The following ZNF415 variants were observed in gnomAD, a reference collection of about 807,000 sequenced individuals.
ZNF415 encodes zinc finger protein 415.
In ZNF415, 5 loss-of-function variants were observed where a neutral mutation model predicts 7.3. The observed-to-expected ratio is 0.69, with a 90% CI of 0.36 to 1.44. The LOEUF (loss-of-function observed/expected upper bound fraction) is 1.44. Among genes scored for constraint, ZNF415 ranks in the 40% most tolerant of loss-of-function variants. The pLI, the probability that ZNF415 is intolerant of heterozygous loss-of-function variation, is 0.04. For missense variants in ZNF415, 628 were observed against 664.8 expected (o/e 0.94, Z 0.61); for synonymous variants, 207 against 226.3 (o/e 0.91, Z 0.77).
intron 3 of ZNF415, among the ~76,000 whole-genome samples, chr19:53,113,575 GA>G (rs1444141573): frequency 1.7e-4 from 25 of 145,718 alleles, no homozygotes; most frequent in South Asian, 1.1e-3. Flanking sequence ...AAGAACAAAC[GA>G]AAAAAAACCA....
At chr19:53,129,214 G>T (rs2089706922) in intron 1 of ZNF415, among the ~76,000 whole-genome samples, 1 of 152,168 alleles carries the variant, frequency 6.6e-6, no homozygotes, top group African/African-American at 2.4e-5. Context: ...TGCAGAGGGA[G>T]TCATGAGATG....
chr19:53,109,508 T>A lies in ZNF415; in HGVS notation c.537A>T (p.Gln179His). ...VNHGSSVSPPQIISSTIKTHV... is the reference protein window; with the variant it reads ...VNHGSSVSPPHIISSTIKTHV... The stretch of plus-strand genomic sequence containing the variant: ...GGGTTTTGATGGTAGAAGAAATTAT[T>A]TGGGGTGGTGAAACTGAGGAACCAT... The change falls in exon 4 of 4, where the codon CAA becomes CAT. Residue 179 changes from glutamine to histidine, a missense_variant. Coordinates refer to ENST00000243643, the MANE Select transcript of ZNF415 (RefSeq NM_018355.4). 6.2e-7 allele frequency: 1 copy of A among 1,614,030 alleles called. No homozygotes were observed. Among genetic ancestry groups the A allele is most frequent in the East Asian group, 2.2e-5 (1 of 44,878 alleles).
chr19:53,123,877 C>T (rs1488737079), intron 1 of ZNF415: 2 of 276,886 alleles, frequency 7.2e-6, no homozygotes, highest in Non-Finnish European at 1.3e-5. Flanking sequence ...GGGAATGCAT[C>T]TAGGGAGTCA....
At position 53,108,240 on chromosome 19, in the gene ZNF415, T is replaced by C; in HGVS notation, c.*137A>G. The C allele has an allele frequency of 2.5e-6, 2 of 813,892 alleles. No individual in the cohort carries two copies. The highest frequency in any genetic ancestry group is 1.9e-6 in the Non-Finnish European group (1 of 533,946). 50.4% of individuals were successfully genotyped at this position (813,892 alleles called of 1,614,324 possible). A position where few individuals can be genotyped will look rare whatever the true frequency, so the allele number is the denominator to read the frequency against. On this transcript the variant is annotated 3_prime_UTR_variant, in exon 4 of 4. Transcript: ENST00000243643. ...GTACTCGTAAGGATTCTCTCAAGAATGAAATTCTCTGATGCTGTGTAGGAG... is the reference window on the plus strand; with the variant it reads ...GTACTCGTAAGGATTCTCTCAAGAACGAAATTCTCTGATGCTGTGTAGGAG...
At chr19:53,121,257 T>C (rs985969255) in intron 2 of ZNF415, among the ~76,000 whole-genome samples, 2 of 146,542 alleles carry the variant, frequency 1.4e-5, no homozygotes, top group African/African-American at 5.0e-5. Flanking sequence ...TAGTGGCGGG[T>C]GCCTGTAGTC....
chr19:53,132,118 T>G (rs2090155140), intron 1 of ZNF415, among the ~76,000 whole-genome samples: 2 of 152,190 alleles, frequency 1.3e-5, no homozygotes, highest in Admixed American at 6.5e-5. Context: ...CTTTCTCGGC[T>G]TCTTCTTCCA....
In ZNF415 at chr19:53,109,587, A is replaced by G; in HGVS notation, c.458T>C (p.Phe153Ser). The change falls in exon 4 of 4, where the codon TTT (phenylalanine) becomes TCT (serine). Residue 153 changes from phenylalanine (F) to serine (S), a missense_variant. Transcript: ENST00000243643. The stretch of plus-strand genomic sequence containing the variant: ...TTCATAAATTTTCCCTTCAGCTTGA[A>G]ACTGCTGCAGTTCATGGGGATGTGG... ...FLPHPHELQQFQAEGKIYECN... is the reference protein window; with the variant it reads ...FLPHPHELQQSQAEGKIYECN... 1 of 1,614,104 alleles carries G rather than the reference A, an allele frequency of 6.2e-7. No homozygotes were observed.
At chr19:53,117,105 T>G (rs1400336932) in intron 2 of ZNF415, among the ~76,000 whole-genome samples, 1 of 152,200 alleles carries the variant, frequency 6.6e-6, no homozygotes, top group East Asian at 1.9e-4. Flanking sequence ...CAAAAATGTC[T>G]TCTTGGCACA....
chr19:53,122,572 G>T (rs2088288398), intron 2 of ZNF415, 90 bp downstream of exon 2: 2 of 1,607,344 alleles, frequency 1.2e-6, no homozygotes, highest in Non-Finnish European at 1.7e-6. Flanking sequence ...GGATGCTTCA[G>T]ACTCAGAGAA....
At chr19:53,117,955 G>A (rs901550368) in intron 2 of ZNF415, among the ~76,000 whole-genome samples, 6 of 151,932 alleles carry the variant, frequency 3.9e-5, no homozygotes, top group South Asian at 2.1e-4. Flanking sequence ...ATAAGCCCTC[G>A]CATATCAATA....
At chr19:53,115,006 T>C (rs927304169) in intron 3 of ZNF415, among the ~76,000 whole-genome samples, 18 of 151,982 alleles carry the variant, frequency 1.2e-4, no homozygotes, top group South Asian at 8.3e-4. Context: ...CTCTGATCTA[T>C]ATGGAGAGCG....
chr19:53,125,404 G>A (rs1393708670), intron 1 of ZNF415, among the ~76,000 whole-genome samples: 1 of 151,264 alleles, frequency 6.6e-6, no homozygotes, highest in African/African-American at 2.4e-5. Context: ...ATGTGATGCT[G>A]GCTCAGTGCA....
In ZNF415 at chr19:53,121,518, C is replaced by G. The variant is rs556896432; in HGVS notation, c.15+1144G>C. Among the ~76,000 whole-genome samples the G allele has an allele frequency of 3.3e-5, 5 of 152,140 alleles. No individual in the cohort carries two copies. The East Asian group carries it at 9.8e-4, about 30-fold the overall frequency. On this transcript the variant is annotated intron_variant, in intron 2 of 3. Transcript: ENST00000243643. Reference sequence around the variant, plus strand: ...TCTCCACTTACTGTAACCTTTGCCTCCCAGGTTCAAGTGATTCTCCTACCT... The same window carrying G: ...TCTCCACTTACTGTAACCTTTGCCTGCCAGGTTCAAGTGATTCTCCTACCT...
At chr19:53,122,807 G>GCA in intron 1 of ZNF415, 64 bp from the exon 2 acceptor site, 1 of 1,268,752 alleles carries the variant, frequency 7.9e-7, no homozygotes, top group South Asian at 1.3e-5. Flanking sequence ...TGTGTGACAA[G>GCA]CACACACATA....
chr19:53,124,398 G>A (rs919542392), intron 1 of ZNF415: 1 of 151,926 alleles, frequency 6.6e-6, no homozygotes, highest in Non-Finnish European at 1.5e-5. Context: ...GGAGACGAGA[G>A]AGAGAGAGAG....
chr19:53,110,365 A>G (rs1550577), intron 3 of ZNF415, among the ~76,000 whole-genome samples: 75,379 of 151,990 alleles, frequency 0.5, 19,020 homozygotes, highest in Admixed American at 0.61. Context: ...CTTACGGAAT[A>G]AGTAAGATAC....
At chr19:53,118,136 C>A (rs547895255) in intron 2 of ZNF415, among the ~76,000 whole-genome samples, 1 of 151,704 alleles carries the variant, frequency 6.6e-6, no homozygotes, top group East Asian at 1.9e-4. Context: ...GCAAATGAAA[C>A]CAAAAGCAAG....
At chr19:53,116,609 C>CTTTTT (rs1410295819) in intron 2 of ZNF415, among the ~76,000 whole-genome samples, 176 bp from the exon 3 acceptor site, 3 of 81,118 alleles carry the variant, frequency 3.7e-5, no homozygotes, top group African/African-American at 1.5e-4. Context: ...GGTTTTTTTT[C>CTTTTT]TCTCTTTTTT....
At chr19:53,132,276 A>G (rs930922074) in intron 1 of ZNF415, among the ~76,000 whole-genome samples, 1 of 152,134 alleles carries the variant, frequency 6.6e-6, no homozygotes, top group Non-Finnish European at 1.5e-5. Flanking sequence ...GTTTGGGGTA[A>G]GACGCCTGCA....
Sources: gnomAD v4.1 joint callset for allele counts (sites outside exome capture counted in the v4.1 genomes callset) on GRCh38, gnomAD v4.1.1 for gene constraint, MANE v1.5 for transcripts, NCBI Gene and HGNC (gene_info 2026-07-23, HGNC 2026-07-21) for gene names.